Variants in ASTN2 observed in about 807,000 individuals in gnomAD.
ASTN2 encodes the protein astrotactin 2.
ASTN2 carries 54 observed loss-of-function variants against 139.8 expected under a neutral mutation model. That is an observed-to-expected ratio of 0.39 (90% confidence interval 0.31 to 0.48). ASTN2 has a LOEUF of 0.48. ASTN2 is among the 20% of genes least tolerant of loss of function. The pLI is 0.95. For missense variants in ASTN2, 1,565 were observed against 1,725.1 expected, an observed-to-expected ratio of 0.91 and a Z score of 1.64; for synonymous variants, 756 against 719.5, an observed-to-expected ratio of 1.05 and a Z score of -0.81.
At chr9:117,213,303 G>A (rs1457672915) in intron 3 of ASTN2, among the ~76,000 whole-genome samples, 5 of 152,064 alleles carry the variant, frequency 3.3e-5, no homozygotes, top group Non-Finnish European at 5.9e-5. Flanking sequence ...AGCTGGGAAA[G>A]GTAGGAGGGA....
chr9:116,741,622 G>C (rs1277875858), intron 13 of ASTN2, among the ~76,000 whole-genome samples: 1 of 152,190 alleles, frequency 6.6e-6, no homozygotes, highest in Non-Finnish European at 1.5e-5. Context: ...TGTGTGATGT[G>C]CAGAAGCCAC....
chr9:116,933,979 C>CTTTTTTTTTTTTTT lies in ASTN2; in HGVS notation c.1889+41215_1889+41228dup, dbSNP rs148724828. On this transcript the variant is annotated intron_variant, in intron 10 of 22. Coordinates refer to ENST00000313400, the MANE Select transcript of ASTN2 (RefSeq NM_001365068.1). ...ACCTCAGTTGTGCGAAGTGTTAGTC[C>CTTTTTTTTTTTTTT]TTTTTTTTTTTTTTTTTTTTTTTCT... Among the ~76,000 whole-genome samples the CTTTTTTTTTTTTTT allele has an allele frequency of 9.1e-3, 791 of 86,778 alleles. 129 individuals carry two copies. The highest frequency in any genetic ancestry group is 0.046 in the East Asian group (76 of 1,664). 56.9% of individuals were successfully genotyped at this position (86,778 alleles called of 152,430 possible).
At chr9:117,126,880 G>A (rs1829701310) in intron 4 of ASTN2, among the ~76,000 whole-genome samples, 1 of 152,220 alleles carries the variant, frequency 6.6e-6, no homozygotes, top group East Asian at 1.9e-4. Flanking sequence ...TGAGCATAGT[G>A]TCTTACACTG....
chr9:116,431,166 C>A (rs1210561957), intron 22 of ASTN2, among the ~76,000 whole-genome samples: 1 of 152,182 alleles, frequency 6.6e-6, no homozygotes, highest in Non-Finnish European at 1.5e-5. Context: ...CTATTCCCAG[C>A]ACCATTTCCC....
intron 13 of ASTN2, among the ~76,000 whole-genome samples, chr9:116,797,317 C>T (rs1017140568): frequency 6.6e-6 from 1 of 152,140 alleles, no homozygotes; most frequent in African/African-American, 2.4e-5. Context: ...CTGATTCCAG[C>T]CCCTATGCTA....
chr9:116,924,893 A>G (rs933563106), intron 10 of ASTN2, among the ~76,000 whole-genome samples: 1 of 152,134 alleles, frequency 6.6e-6, no homozygotes, highest in Admixed American at 6.5e-5. Context: ...GTGCAGCCCA[A>G]TAGGTCTCAG....
intron 5 of ASTN2, among the ~76,000 whole-genome samples, chr9:117,043,863 G>A (rs1278810615): frequency 2.1e-5 from 3 of 142,882 alleles, no homozygotes; most frequent in African/African-American, 5.3e-5. Context: ...AGCTGAGATC[G>A]CACCATTGCA....
At chr9:116,925,946 T>C (rs1410849314) in intron 10 of ASTN2, among the ~76,000 whole-genome samples, 1 of 151,968 alleles carries the variant, frequency 6.6e-6, no homozygotes, top group East Asian at 1.9e-4. Flanking sequence ...AAACATCCAG[T>C]GTTCCTTCAC....
At chr9:116,862,561 A>G (rs2132339168) in intron 11 of ASTN2, among the ~76,000 whole-genome samples, 1 of 152,280 alleles carries the variant, frequency 6.6e-6, no homozygotes, top group East Asian at 1.9e-4. Flanking sequence ...TTCGAAAGCA[A>G]TTCTTTCTAG....
chr9:116,727,753 T>C (rs961228958), intron 15 of ASTN2, among the ~76,000 whole-genome samples: 1 of 152,194 alleles, frequency 6.6e-6, no homozygotes, highest in Non-Finnish European at 1.5e-5. Context: ...GCTCTGCCAC[T>C]TACTAGCTGT....
At chr9:117,238,771 C>T (rs543267512) in intron 2 of ASTN2, among the ~76,000 whole-genome samples, 17 of 152,204 alleles carry the variant, frequency 1.1e-4, no homozygotes, top group Middle Eastern at 3.4e-3. Context: ...CTCCAGTGAC[C>T]GCTATAAAGA....
At chr9:116,555,213 C>A (rs543114693) in intron 19 of ASTN2, among the ~76,000 whole-genome samples, 1 of 152,304 alleles carries the variant, frequency 6.6e-6, no homozygotes, top group South Asian at 2.1e-4. Flanking sequence ...AAACAGCCCA[C>A]ACTGCCCAGA....
chr9:116,493,644 CCTT>C (rs146390937), intron 19 of ASTN2, among the ~76,000 whole-genome samples: 8,236 of 152,226 alleles, frequency 0.054, 328 homozygotes, highest in Non-Finnish European at 0.078. Flanking sequence ...CAATCCTCCT[CCTT>C]GTTTCCCCTC....
intron 16 of ASTN2, among the ~76,000 whole-genome samples, chr9:116,653,498 G>A (rs921839147): frequency 1.3e-5 from 2 of 152,220 alleles, no homozygotes; most frequent in African/African-American, 4.8e-5. Flanking sequence ...CACAGACTAT[G>A]AGAATGGTAT....
At chr9:117,232,560 A>G (rs1832926017) in intron 2 of ASTN2, among the ~76,000 whole-genome samples, 1 of 152,192 alleles carries the variant, frequency 6.6e-6, no homozygotes, top group Non-Finnish European at 1.5e-5. Context: ...ATTTTTGCCA[A>G]GTCCTCCAAA....
chr9:116,736,450 G>A (rs984213485), intron 13 of ASTN2, among the ~76,000 whole-genome samples: 1 of 152,094 alleles, frequency 6.6e-6, no homozygotes, highest in Admixed American at 6.6e-5. Context: ...TTGGGTAGAG[G>A]GTGCTAAAGG....
intron 1 of ASTN2, among the ~76,000 whole-genome samples, chr9:117,324,051 T>C (rs918594253): frequency 2.0e-5 from 3 of 151,956 alleles, no homozygotes; most frequent in Admixed American, 6.6e-5. Flanking sequence ...GCCCATACAG[T>C]ACATAATCCC....
chr9:116,472,751 A>C (rs939787858), intron 20 of ASTN2, among the ~76,000 whole-genome samples: 2 of 140,502 alleles, frequency 1.4e-5, no homozygotes, highest in African/African-American at 5.0e-5. Flanking sequence ...TAAAAATACA[A>C]AAAAAAAAAA....
chr9:117,213,295 C>T (rs965980559), intron 3 of ASTN2, among the ~76,000 whole-genome samples: 6 of 151,906 alleles, frequency 3.9e-5, no homozygotes, highest in African/African-American at 1.5e-4. Flanking sequence ...ATATTAGAAG[C>T]TGGGAAAGGT....
Sources: allele counts gnomAD v4.1 joint callset (sites outside exome capture counted in the v4.1 genomes callset), GRCh38; gene constraint gnomAD v4.1.1; transcripts MANE v1.5; gene names NCBI Gene and HGNC (gene_info 2026-07-23, HGNC 2026-07-21).